Variants in BCL2 observed in about 807,000 individuals in gnomAD.
BCL2 encodes apoptosis regulator Bcl-2.
Under a neutral mutation model 14.2 loss-of-function variants are expected in BCL2, and 1 was observed. The observed-to-expected ratio is 0.07, with a 90% CI of 0.02 to 0.33. The LOEUF is 0.33. Ranked by LOEUF, BCL2 falls within the 10% of genes least tolerant of loss-of-function variation. The pLI, the probability that BCL2 is intolerant of heterozygous loss-of-function variation, is 0.99. For synonymous variants in BCL2, 151 were observed against 137.2 expected (o/e 1.10, Z -0.70); for missense variants, 247 against 305.9 (o/e 0.81, Z 1.44).
At chr18:63,281,649 A>C (rs1912311531) in intron 2 of BCL2, among the ~76,000 whole-genome samples, 2 of 147,914 alleles carry the variant, frequency 1.4e-5, no homozygotes, top group Non-Finnish European at 3.0e-5. Context: ...TCTGAGTGAC[A>C]AATTGAGACC....
In BCL2 at chr18:63,318,094, A is replaced by G; in HGVS notation, c.573T>C (p.Asp191=). The change falls in exon 2 of 3, where the codon GAT becomes GAC. Residue 191 remains aspartate, a synonymous_variant. Transcript: ENST00000333681. The surrounding 1 kb of genome is among the most constrained non-coding windows in gnomAD (Gnocchi z 7.4). ...CAAGTGCACCTACCCAGCCTCCGTT[A>G]TCCTGGATCCAGGTGTGCAGGTGCC... The part of the protein sequence containing the change: ...LNRHLHTWIQ[D]NGGWDAFVEL... 6.2e-7 allele frequency: 1 copy of G among 1,613,968 alleles called. No individual in the cohort carries two copies. The highest frequency in any genetic ancestry group is 8.5e-7 in the Non-Finnish European group (1 of 1,179,980).
chr18:63,188,064 T>G (rs926210120), intron 2 of BCL2, among the ~76,000 whole-genome samples: 2 of 152,132 alleles, frequency 1.3e-5, no homozygotes, highest in African/African-American at 4.8e-5. Flanking sequence ...CGATCAAAGT[T>G]AAGACAAATG....
chr18:63,202,132 A>G (rs1211304010), intron 2 of BCL2, among the ~76,000 whole-genome samples: 2 of 152,066 alleles, frequency 1.3e-5, no homozygotes, highest in Non-Finnish European at 2.9e-5. Context: ...AACATGGTGA[A>G]ACCCTGTCTC....
At position 63,318,904 on chromosome 18, in the gene BCL2, C is replaced by A. The variant is rs1203298622; in HGVS notation, c.-238G>T. ...TTTCGGATCTTTATTTCATGAGGCA[C>A]GTTATTATTAGTAAGTATTGTTAAT... On this transcript the variant is annotated 5_prime_UTR_variant, in exon 2 of 3. Transcript: ENST00000333681. The surrounding 1 kb of genome is among the most constrained non-coding windows in gnomAD (Gnocchi z 7.4). 7.1e-7 allele frequency: 1 copy of A among 1,403,412 alleles called. No homozygotes were observed. The allele number at this position is 1,403,412 out of a possible 1,614,324, so 86.9% of individuals were successfully genotyped here.
chr18:63,137,269 T>C lies in BCL2; in HGVS notation c.586-8510A>G, dbSNP rs562695945. Among the ~76,000 whole-genome samples the C allele has an allele frequency of 3.9e-5, 6 of 152,364 alleles. No individual in the cohort carries two copies. In the South Asian group the frequency reaches 1.2e-3, roughly 32 times the overall value. ...ATCCCTAGGTTGAGCTAAATAATCC[T>C]CGGCTGTTCCCTGTTCACAGTATTA... On this transcript the variant is annotated intron_variant, in intron 2 of 2. Transcript: ENST00000333681.
chr18:63,207,275 C>G (rs1363749633), intron 2 of BCL2, among the ~76,000 whole-genome samples: 2 of 152,168 alleles, frequency 1.3e-5, no homozygotes, highest in East Asian at 1.9e-4. Flanking sequence ...GGCACCGGCT[C>G]ATCTAATTCA....
chr18:63,176,121 G>A (rs1378853402), intron 2 of BCL2, among the ~76,000 whole-genome samples: 3 of 152,214 alleles, frequency 2.0e-5, no homozygotes, highest in Non-Finnish European at 2.9e-5. Context: ...TCAGGACTTG[G>A]CATGGTCTAT....
chr18:63,266,637 T>TCTCTCTCTCTCACA (rs1491465885), intron 2 of BCL2, among the ~76,000 whole-genome samples: 5 of 85,938 alleles, frequency 5.8e-5, no homozygotes, highest in East Asian at 8.1e-4. Context: ...TCTCTCTCTC[T>TCTCTCTCTCTCACA]CACACACACA....
At chr18:63,189,664 G>A (rs766111615) in intron 2 of BCL2, among the ~76,000 whole-genome samples, 3 of 151,922 alleles carry the variant, frequency 2.0e-5, no homozygotes, top group African/African-American at 4.8e-5. Flanking sequence ...CCAGATTGCC[G>A]AATTATACCT....
intron 2 of BCL2, among the ~76,000 whole-genome samples, chr18:63,167,310 C>G (rs1457474552): frequency 6.6e-6 from 1 of 152,106 alleles, no homozygotes; most frequent in African/African-American, 2.4e-5. Flanking sequence ...TCTCTCCATC[C>G]AACATCCATC....
intron 2 of BCL2, among the ~76,000 whole-genome samples, chr18:63,298,972 C>T (rs1912878304): frequency 6.6e-6 from 1 of 152,124 alleles, no homozygotes; most frequent in Non-Finnish European, 1.5e-5. Flanking sequence ...TCCAAAACCG[C>T]CTGGGTTCAA....
chr18:63,291,043 G>A (rs1912629853), intron 2 of BCL2, among the ~76,000 whole-genome samples: 3 of 152,086 alleles, frequency 2.0e-5, no homozygotes, highest in Admixed American at 6.6e-5. Flanking sequence ...ACAAAAGCCT[G>A]ACTTCAACAC....
chr18:63,245,156 C>T (rs189139914), intron 2 of BCL2, among the ~76,000 whole-genome samples: 1 of 152,150 alleles, frequency 6.6e-6, no homozygotes, highest in Non-Finnish European at 1.5e-5. Context: ...TATTATTAAT[C>T]CCCCAAGTTG....
intron 2 of BCL2, among the ~76,000 whole-genome samples, chr18:63,186,046 A>G (rs1245430342): frequency 6.6e-6 from 1 of 152,170 alleles, no homozygotes; most frequent in Non-Finnish European, 1.5e-5. Flanking sequence ...TCACTCAGTA[A>G]TCTATCCAAG....
intron 2 of BCL2, among the ~76,000 whole-genome samples, chr18:63,139,032 G>A (rs1254949778): frequency 6.6e-6 from 1 of 152,242 alleles, no homozygotes; most frequent in Non-Finnish European, 1.5e-5. Context: ...CCTGCTAATG[G>A]AGACTTCAGC....
At chr18:63,218,760 C>CATCCTCCACTCATCCCAT (rs1568237527) in intron 2 of BCL2, among the ~76,000 whole-genome samples, 1 of 6,488 alleles carries the variant, frequency 1.5e-4, no homozygotes, top group African/African-American at 4.6e-4. Flanking sequence ...CCACTCATCC[C>CATCCTCCACTCATCCCAT]CCTCTACTCA....
chr18:63,177,898 T>C (rs138018549), intron 2 of BCL2, among the ~76,000 whole-genome samples: 335 of 151,880 alleles, frequency 2.2e-3, no homozygotes, highest in African/African-American at 7.7e-3. Flanking sequence ...AGTGCAGGGG[T>C]GGAGAATTAA....
At chr18:63,198,479 CAG>C (rs1473789359) in intron 2 of BCL2, among the ~76,000 whole-genome samples, 6 of 146,506 alleles carry the variant, frequency 4.1e-5, no homozygotes, top group African/African-American at 1.3e-4. Flanking sequence ...CACACACTGA[CAG>C]AGACACACAC....
chr18:63,231,899 C>T (rs1028242585), intron 2 of BCL2, among the ~76,000 whole-genome samples: 6 of 152,026 alleles, frequency 3.9e-5, no homozygotes, highest in Non-Finnish European at 7.4e-5. Flanking sequence ...AATATGGGGA[C>T]TTGTCCTACC....
Sources: gnomAD v4.1 joint callset for allele counts (sites outside exome capture counted in the v4.1 genomes callset) on GRCh38, gnomAD v4.1.1 for gene constraint, Gnocchi (gnomAD v3.1) non-coding constraint, MANE v1.5 for transcripts, NCBI Gene and HGNC (gene_info 2026-07-23, HGNC 2026-07-21) for gene names.